Variants in CTSB observed in about 807,000 individuals in gnomAD.
CTSB encodes the protein APP secretase.
In CTSB, 57 loss-of-function variants were observed where a neutral mutation model predicts 44.3. The ratio of observed to expected loss-of-function variants is 1.29; its 90% CI spans 1.04 to 1.60. The LOEUF (loss-of-function observed/expected upper bound fraction) is 1.60. Among genes scored for constraint, CTSB ranks in the 40% most tolerant of loss-of-function variants. CTSB has a pLI of 0.00. For missense variants in CTSB, 768 were observed against 443.0 expected (o/e 1.73, Z -6.59); for synonymous variants, 320 against 168.0 (o/e 1.91, Z -7.00).
chr8:11,846,459 A>C (rs1813361436), intron 8 of CTSB: 1 of 152,532 alleles, frequency 6.6e-6, no homozygotes, highest in African/African-American at 2.4e-5. Context: ...AATGGGATAG[A>C]TGCAGTCAGC....
chr8:11,853,548 ACC>A, intron 1 of CTSB, 69 bp from the exon 2 acceptor site: 2 of 1,483,106 alleles, frequency 1.3e-6, no homozygotes, highest in Non-Finnish European at 1.8e-6. Flanking sequence ...ACACAGGGGC[ACC>A]GTCTCGGGCA....
At chr8:11,858,627 C>T (rs1310138644) in intron 1 of CTSB, among the ~76,000 whole-genome samples, 4 of 152,198 alleles carry the variant, frequency 2.6e-5, no homozygotes, top group Non-Finnish European at 4.4e-5. Context: ...CAGCATTTAA[C>T]ATCCAAAAAT....
intron 1 of CTSB, chr8:11,864,535 A>G (rs1199432403): frequency 6.6e-6 from 1 of 152,338 alleles, no homozygotes; most frequent in South Asian, 2.1e-4. Context: ...AAAAATGTGC[A>G]GAAGAATCCA....
intron 2 of CTSB, 151 bp downstream of exon 2, chr8:11,853,178 G>C (rs1377301013): frequency 3.8e-6 from 4 of 1,045,958 alleles, no homozygotes; most frequent in Non-Finnish European, 5.6e-6. Context: ...GCGTGGTCCA[G>C]AGCCGACATG....
At chr8:11,846,390 C>G (rs1228249970) in intron 8 of CTSB, 1 of 152,318 alleles carries the variant, frequency 6.6e-6, no homozygotes, top group African/African-American at 2.4e-5. Flanking sequence ...TTTTTCTTGC[C>G]AGAATCATCT....
chr8:11,857,856 A>G (rs1815757997), intron 1 of CTSB: 1 of 152,406 alleles, frequency 6.6e-6, no homozygotes. Flanking sequence ...TCAGCCCCGC[A>G]CCTTGGCCCA....
chr8:11,861,332 G>C (rs998099418), intron 1 of CTSB: 2 of 152,472 alleles, frequency 1.3e-5, no homozygotes, highest in Admixed American at 6.5e-5. Context: ...ACCAGGGGAA[G>C]CAGAGAAGCC....
rs192314617 is a variant in CTSB at position 11,866,456 on chromosome 8, G to A, written c.-26+1545C>T. 2.0e-3 allele frequency among the ~76,000 whole-genome samples: 306 copies of A among 152,360 alleles called. 3 individuals are homozygous for A. Among genetic ancestry groups the A allele is most frequent in the Admixed American group, 5.7e-3 (88 of 15,312 alleles). Reference sequence around the variant, plus strand: ...CCCAGCTAGAGGACAAATGACCAAAGACGAAGGGAAGCCTCTGTTCTCCAG... The same window carrying A: ...CCCAGCTAGAGGACAAATGACCAAAAACGAAGGGAAGCCTCTGTTCTCCAG... On this transcript the variant is annotated intron_variant, in intron 1 of 9. Coordinates refer to ENST00000353047, the MANE Select transcript of CTSB (RefSeq NM_001908.5).
At chr8:11,864,243 A>C (rs1308768773) in intron 1 of CTSB, 1 of 137,870 alleles carries the variant, frequency 7.3e-6, no homozygotes, top group Non-Finnish European at 1.5e-5. Context: ...CCTAAGTGGG[A>C]GGAGGCAAGG....
intron 5 of CTSB, chr8:11,848,357 C>G (rs1011721413): frequency 2.1e-5 from 14 of 680,560 alleles, no homozygotes; most frequent in Middle Eastern, 4.7e-4. Context: ...CCAGCCCCAC[C>G]CCTGCCCACA....
In CTSB at chr8:11,866,680, T is replaced by C. The variant is rs150266502; in HGVS notation, c.-26+1321A>G. Among the ~76,000 whole-genome samples the C allele has an allele frequency of 9.2e-3, 1,399 of 152,246 alleles. 19 individuals are homozygous for C. The highest frequency in any genetic ancestry group is 0.032 in the African/African-American group (1,326 of 41,540). ...GTCAAGATCTGCCTGGTCAACATGG[T>C]GAAACCCCATCTCTACTAAAAATAC... is the stretch of plus-strand genomic sequence containing the variant. On this transcript the variant is annotated intron_variant, in intron 1 of 9. Coordinates refer to ENST00000353047, the MANE Select transcript of CTSB (RefSeq NM_001908.5).
In CTSB at chr8:11,843,302, C is replaced by T. The variant is rs903342579; in HGVS notation, c.*1823G>A. 98 of 152,288 alleles carry T rather than the reference C, an allele frequency of 6.4e-4. No homozygotes were observed. The highest frequency in any genetic ancestry group is 2.3e-3 in the African/African-American group (95 of 41,572). 9.4% of individuals were successfully genotyped at this position (152,288 alleles called of 1,614,324 possible). A position where few individuals can be genotyped will look rare whatever the true frequency, so the allele number is the denominator to read the frequency against. ...TTAACAAACCTTTCCTACAATGTTC[C>T]TCAGATTTTCAGAGCTTATTTGATC... On this transcript the variant is annotated 3_prime_UTR_variant, in exon 10 of 10. Coordinates refer to ENST00000353047, the MANE Select transcript of CTSB (RefSeq NM_001908.5).
intron 2 of CTSB, 33 bp from the exon 3 acceptor site, chr8:11,852,728 T>G (rs774119143): frequency 1.9e-6 from 3 of 1,600,296 alleles, no homozygotes; most frequent in Non-Finnish European, 2.6e-6. Context: ...CTGAAGGGTC[T>G]CCCGGGATGG....
At chr8:11,863,075 G>C (rs1381251064) in intron 1 of CTSB, among the ~76,000 whole-genome samples, 1 of 152,226 alleles carries the variant, frequency 6.6e-6, no homozygotes, top group African/African-American at 2.4e-5. Context: ...CACTTCGGGA[G>C]GCCAAGGTGG....
chr8:11,855,124 G>C (rs1430609578), intron 1 of CTSB, among the ~76,000 whole-genome samples: 3 of 152,174 alleles, frequency 2.0e-5, no homozygotes, highest in Non-Finnish European at 4.4e-5. Flanking sequence ...CTGGGTTCAA[G>C]CTATTCTCCT....
chr8:11,853,314 AG>A lies in CTSB; in HGVS notation c.126+14del. 6.2e-7 allele frequency: 1 copy of A among 1,612,986 alleles called. No homozygotes were observed. The highest frequency in any genetic ancestry group is 2.2e-5 in the East Asian group (1 of 44,816). Reference sequence around the variant, plus strand: ...CTGGGAGGGGACATACATAGGACGCAGCCCCACAGCCTACCTGCCACGTGGT... The same window carrying A: ...CTGGGAGGGGACATACATAGGACGCACCCCACAGCCTACCTGCCACGTGGT... On this transcript the variant is annotated intron_variant, in intron 2 of 9. Coordinates refer to ENST00000353047, the MANE Select transcript of CTSB (RefSeq NM_001908.5).
At position 11,850,917 on chromosome 8, in the gene CTSB, C is replaced by T. The variant is rs143892476; in HGVS notation, c.276G>A (p.Gln92=). 6.8e-6 allele frequency: 11 copies of T among 1,613,640 alleles called. No homozygotes were observed. The African/African-American group carries it at 1.2e-4, about 18-fold the overall frequency. Residue 92 remains glutamine (Q), a synonymous_variant, in exon 4 of 10, where the codon CAG becomes CAA. Coordinates refer to ENST00000353047, the MANE Select transcript of CTSB (RefSeq NM_001908.5). ...CTCTGATCTCTTTGATGGTGGGACA[C>T]TGTGGCCATTGTTCCCGTGCATCGA... ...ASFDAREQWP[Q]CPTIKEIRDQ...
rs1390381579 is a variant in CTSB, at chr8:11,844,270, C to T, written c.*855G>A. On this transcript the variant is annotated 3_prime_UTR_variant, in exon 10 of 10. Coordinates refer to ENST00000353047, the MANE Select transcript of CTSB (RefSeq NM_001908.5). ...CAGGGACAAAGAGAGACAGCAGCTA[C>T]AAGTCTATAGGCAGTGACAAAGGAT... is the stretch of plus-strand genomic sequence containing the variant. 2 of 152,228 alleles carry T rather than the reference C, an allele frequency of 1.3e-5. No individual in the cohort carries two copies. The highest frequency in any genetic ancestry group is 4.8e-5 in the African/African-American group (2 of 41,450). 9.4% of individuals were successfully genotyped at this position (152,228 alleles called of 1,614,324 possible).
intron 1 of CTSB, among the ~76,000 whole-genome samples, chr8:11,864,905 T>TCC (rs397789101): frequency 2.0e-5 from 3 of 147,492 alleles, no homozygotes; most frequent in South Asian, 4.3e-4. Flanking sequence ...AGAGTGAAAC[T>TCC]GTCTCAAAAA....
Sources: allele counts gnomAD v4.1 joint callset (sites outside exome capture counted in the v4.1 genomes callset), GRCh38; gene constraint gnomAD v4.1.1; transcripts MANE v1.5; gene names NCBI Gene and HGNC (gene_info 2026-07-23, HGNC 2026-07-21).